GALNT13: variants seen among roughly 807,000 people sequenced by gnomAD.
The protein encoded by GALNT13 is polypeptide N-acetylgalactosaminyltransferase 13.
A neutral mutation model predicts 64.2 loss-of-function variants in GALNT13; 28 were observed. The ratio of observed to expected loss-of-function variants is 0.44; its 90% CI spans 0.32 to 0.60. GALNT13 has a LOEUF of 0.60. Among genes scored for constraint, GALNT13 ranks in the 20% least tolerant of loss-of-function variants. The pLI, the probability that GALNT13 is intolerant of heterozygous loss-of-function variation, is 0.05. For synonymous variants in GALNT13, 214 were observed against 224.6 expected, an observed-to-expected ratio of 0.95 and a Z score of 0.42; for missense variants, 577 against 669.8, an observed-to-expected ratio of 0.86 and a Z score of 1.53.
intron 3 of GALNT13, among the ~76,000 whole-genome samples, chr2:154,046,254 GT>G (rs1300383673): frequency 6.6e-6 from 1 of 152,178 alleles, no homozygotes; most frequent in African/African-American, 2.4e-5. Context: ...TAGCCAAAGA[GT>G]TTGAGGTTTC....
intron 9 of GALNT13, among the ~76,000 whole-genome samples, chr2:154,327,669 T>TATCAC (rs1382000638): frequency 6.6e-6 from 1 of 152,100 alleles, no homozygotes; most frequent in Non-Finnish European, 1.5e-5. Context: ...TAATCAACAA[T>TATCAC]ATCACATTAC....
intron 9 of GALNT13, among the ~76,000 whole-genome samples, chr2:154,307,006 A>G (rs1331641213): frequency 6.8e-6 from 1 of 147,962 alleles, no homozygotes; most frequent in Non-Finnish European, 1.5e-5. Flanking sequence ...TTTTTTTTTT[A>G]GCGTTACACT....
At chr2:153,482,155 C>T in the GALNT13 span, among the ~76,000 whole-genome samples, 7 of 152,256 alleles carry the variant, frequency 4.6e-5, no homozygotes, top group Admixed American at 3.3e-4. Context: ...TCAGAACCTA[C>T]GACTTTGATT....
At chr2:153,735,816 A>G in the GALNT13 span, among the ~76,000 whole-genome samples, 1 of 152,190 alleles carries the variant, frequency 6.6e-6, no homozygotes, top group Non-Finnish European at 1.5e-5. Flanking sequence ...AATGTCACAG[A>G]AGTGATGCTG....
chr2:153,965,140 A>G (rs527933636), intron 3 of GALNT13, among the ~76,000 whole-genome samples: 126 of 152,324 alleles, frequency 8.3e-4, no homozygotes, highest in Non-Finnish European at 1.6e-3. Context: ...ATGTTTAATG[A>G]TGAAATCAGG....
At chr2:153,935,706 C>T (rs1274510346) in intron 2 of GALNT13, among the ~76,000 whole-genome samples, 1 of 152,192 alleles carries the variant, frequency 6.6e-6, no homozygotes, top group Non-Finnish European at 1.5e-5. Flanking sequence ...ACAAATGGAA[C>T]AGCAGGCTGG....
At chr2:153,715,587 A>G in the GALNT13 span, among the ~76,000 whole-genome samples, 1 of 152,216 alleles carries the variant, frequency 6.6e-6, no homozygotes, top group African/African-American at 2.4e-5. Flanking sequence ...TTAAGACTAT[A>G]ATTCCATCTC....
chr2:153,503,404 A>G, the GALNT13 span, among the ~76,000 whole-genome samples: 1 of 151,920 alleles, frequency 6.6e-6, no homozygotes, highest in Non-Finnish European at 1.5e-5. Flanking sequence ...TGGGTTCTCT[A>G]TTCTGTTCCA....
At chr2:153,998,113 T>C (rs1402587866) in intron 3 of GALNT13, among the ~76,000 whole-genome samples, 1 of 152,160 alleles carries the variant, frequency 6.6e-6, no homozygotes, top group African/African-American at 2.4e-5. Context: ...TATGTGTGCA[T>C]GTGTCTTTAT....
At chr2:154,110,306 T>G (rs1404528702) in intron 3 of GALNT13, among the ~76,000 whole-genome samples, 670 of 45,112 alleles carry the variant, frequency 0.015, 50 homozygotes, top group East Asian at 0.03. Context: ...TATATATATA[T>G]ATATATATAT....
chr2:154,000,429 A>T (rs1227636114), intron 3 of GALNT13, among the ~76,000 whole-genome samples: 1 of 151,386 alleles, frequency 6.6e-6, no homozygotes. Flanking sequence ...TTCTTTTTTG[A>T]TGTAGAATTA....
intron 8 of GALNT13, among the ~76,000 whole-genome samples, chr2:154,279,500 AG>A (rs745773363): frequency 1.3e-5 from 2 of 152,212 alleles, no homozygotes; most frequent in African/African-American, 2.4e-5. Flanking sequence ...GCTTGATAAC[AG>A]GTGAAAATTT....
chr2:153,477,323 A>G, the GALNT13 span: 2 of 152,592 alleles, frequency 1.3e-5, no homozygotes, highest in African/African-American at 2.4e-5. Context: ...AATGACCACC[A>G]GGAGGCCAGG....
chr2:154,136,426 C>T (rs930964488), intron 3 of GALNT13, among the ~76,000 whole-genome samples: 2 of 151,994 alleles, frequency 1.3e-5, no homozygotes, highest in Admixed American at 6.6e-5. Context: ...TAGATATAGA[C>T]TAGTTCATTT....
intron 3 of GALNT13, among the ~76,000 whole-genome samples, chr2:154,056,217 T>C (rs1216416741): frequency 6.6e-6 from 1 of 152,176 alleles, no homozygotes; most frequent in East Asian, 1.9e-4. Flanking sequence ...CAAAAGTCAA[T>C]ATAAGTCTGT....
intron 9 of GALNT13, among the ~76,000 whole-genome samples, chr2:154,323,397 G>A (rs1012439209): frequency 3.3e-5 from 5 of 151,982 alleles, no homozygotes; most frequent in Admixed American, 2.6e-4. Context: ...TCAGTTTATT[G>A]CACATTAACA....
At position 153,902,103 on chromosome 2, in the gene GALNT13, A is replaced by G. The variant is rs1389520929; in HGVS notation, c.-105+1096A>G. Among the ~76,000 whole-genome samples the G allele has an allele frequency of 2.0e-5, 3 of 152,136 alleles. No individual in the cohort carries two copies. The East Asian group carries it at 5.8e-4, about 29-fold the overall frequency. The stretch of plus-strand genomic sequence containing the variant: ...TCAAATTCTTTCACGTTAGCCATCC[A>G]TTGGTCCTAACCCCTGTACACTTTA... On this transcript the variant is annotated intron_variant, in intron 2 of 12. Transcript: ENST00000392825.
At chr2:153,893,812 G>A (rs1687720252) in intron 1 of GALNT13, among the ~76,000 whole-genome samples, 1 of 152,052 alleles carries the variant, frequency 6.6e-6, no homozygotes, top group Non-Finnish European at 1.5e-5. Flanking sequence ...TGACACGGAT[G>A]AAGTACTTTG....
chr2:154,415,356 G>T (rs1204539171), intron 11 of GALNT13, among the ~76,000 whole-genome samples: 1 of 151,988 alleles, frequency 6.6e-6, no homozygotes, highest in African/African-American at 2.4e-5. Flanking sequence ...GCAAAAAAAT[G>T]TAAAGTAATG....
Sources: gnomAD v4.1 joint callset for allele counts (sites outside exome capture counted in the v4.1 genomes callset) on GRCh38, gnomAD v4.1.1 for gene constraint, MANE v1.5 for transcripts, NCBI Gene and HGNC (gene_info 2026-07-23, HGNC 2026-07-21) for gene names.